The following ANO1 variants were observed in gnomAD, a reference collection of about 807,000 sequenced individuals.
The protein encoded by ANO1 is anoctamin 1.
In ANO1, 59 loss-of-function variants were observed where a neutral mutation model predicts 124.0. The ratio of observed to expected loss-of-function variants is 0.48; its 90% CI spans 0.39 to 0.59. The LOEUF (loss-of-function observed/expected upper bound fraction) is 0.59, where lower values mean the gene tolerates loss of function less well. Ranked by LOEUF, ANO1 falls within the 20% of genes least tolerant of loss-of-function variation. ANO1 has a pLI of 0.00. For missense variants in ANO1, 1,059 were observed against 1,328.0 expected, an observed-to-expected ratio of 0.80 and a Z score of 3.15; for synonymous variants, 529 against 532.0, an observed-to-expected ratio of 0.99 and a Z score of 0.08.
At chr11:70,098,792 C>T (rs534004722) in intron 2 of ANO1, among the ~76,000 whole-genome samples, 2 of 152,304 alleles carry the variant, frequency 1.3e-5, no homozygotes, top group East Asian at 1.9e-4. Flanking sequence ...GGTCTAGGCC[C>T]TCGGGCCACG....
chr11:70,026,330 G>A (rs1028163239), intron 1 of ANO1, among the ~76,000 whole-genome samples: 3 of 146,484 alleles, frequency 2.0e-5, no homozygotes, highest in Non-Finnish European at 4.5e-5. Flanking sequence ...GATGATGGTG[G>A]TGGTGGTGGT....
intron 1 of ANO1, among the ~76,000 whole-genome samples, chr11:70,045,220 A>C (rs1857240678): frequency 6.6e-6 from 1 of 152,226 alleles, no homozygotes; most frequent in Admixed American, 6.5e-5. Flanking sequence ...CAATTTTTCT[A>C]TATGTTTGGG....
chr11:70,110,107 C>A (rs985805015), intron 6 of ANO1, among the ~76,000 whole-genome samples: 1 of 151,608 alleles, frequency 6.6e-6, no homozygotes, highest in African/African-American at 2.4e-5. Flanking sequence ...GGCCCTGCGG[C>A]AGGCAGCACC....
At chr11:70,064,086 G>A (rs1440102015) in intron 1 of ANO1, 1 of 152,276 alleles carries the variant, frequency 6.6e-6, no homozygotes, top group Non-Finnish European at 1.5e-5. Context: ...ATGGAGGGAA[G>A]GAACATCAGG....
intron 1 of ANO1, chr11:70,014,845 T>G (rs1159967338): frequency 6.7e-6 from 1 of 149,212 alleles, no homozygotes; most frequent in Non-Finnish European, 1.5e-5. Flanking sequence ...TTTTTTTCTT[T>G]TTTTTTTTTT....
At chr11:69,977,957 TGA>T in the ANO1 span, among the ~76,000 whole-genome samples, 1 of 152,198 alleles carries the variant, frequency 6.6e-6, no homozygotes, top group South Asian at 2.1e-4. Context: ...ATACTGTGGC[TGA>T]GAGGGGGTCA....
At chr11:70,085,993 G>A (rs1024748722) in intron 1 of ANO1, among the ~76,000 whole-genome samples, 4 of 152,264 alleles carry the variant, frequency 2.6e-5, no homozygotes, top group Non-Finnish European at 5.9e-5. Context: ...CCCAAGCACA[G>A]CTCTGTCCAA....
chr11:69,992,292 AATGGATGG>A (rs1249325317), intron 1 of ANO1, among the ~76,000 whole-genome samples: 7 of 151,800 alleles, frequency 4.6e-5, no homozygotes, highest in African/African-American at 1.7e-4. Flanking sequence ...TGGATAGATG[AATGGATGG>A]ATGGATGGAT....
intron 1 of ANO1, among the ~76,000 whole-genome samples, chr11:70,025,160 C>A (rs782449542): frequency 5.3e-5 from 8 of 152,216 alleles, no homozygotes; most frequent in Non-Finnish European, 8.8e-5. Flanking sequence ...CAGCTCTTCT[C>A]CTTGCCAGCT....
At chr11:69,973,262 C>T in the ANO1 span, among the ~76,000 whole-genome samples, 1 of 152,138 alleles carries the variant, frequency 6.6e-6, no homozygotes, top group African/African-American at 2.4e-5. Flanking sequence ...AAAACTCCCT[C>T]GTGATCTGGC....
At chr11:70,148,901 C>T (rs772171216) in intron 11 of ANO1, among the ~76,000 whole-genome samples, 10 of 152,132 alleles carry the variant, frequency 6.6e-5, no homozygotes, top group Non-Finnish European at 1.2e-4. Flanking sequence ...AAGAAGGTCC[C>T]GAGAGGAGCT....
chr11:70,188,300 T>G lies in ANO1; in HGVS notation c.*296T>G. ...AAAGGCAGGTGCTTTGCAGAAAGAA[T>G]GCTTGGAAACTTGAGTCTCCCTAGA... On this transcript the variant is annotated 3_prime_UTR_variant, in exon 26 of 26. Transcript: ENST00000355303. The G allele has an allele frequency of 2.2e-6, 1 of 446,366 alleles. No individual in the cohort carries two copies. Among genetic ancestry groups the G allele is most frequent in the Non-Finnish European group, 4.0e-6 (1 of 248,358 alleles). The allele number at this position is 446,366 out of a possible 1,614,324, so 27.7% of individuals were successfully genotyped here.
chr11:69,995,899 G>C (rs1359732621), intron 1 of ANO1, among the ~76,000 whole-genome samples: 1 of 152,176 alleles, frequency 6.6e-6, no homozygotes, highest in Non-Finnish European at 1.5e-5. Flanking sequence ...GATCACCTGA[G>C]GTCAGGAGTT....
At chr11:70,051,651 T>C (rs1184341388) in intron 1 of ANO1, among the ~76,000 whole-genome samples, 5 of 152,230 alleles carry the variant, frequency 3.3e-5, no homozygotes, top group African/African-American at 1.2e-4. Context: ...TGAGGACTAA[T>C]GCTGGTGGTC....
intron 1 of ANO1, among the ~76,000 whole-genome samples, chr11:70,044,362 G>A (rs1555005351): frequency 6.6e-6 from 1 of 152,024 alleles, no homozygotes; most frequent in Non-Finnish European, 1.5e-5. Flanking sequence ...CAATTAAAAG[G>A]CAGAGATTAT....
intron 1 of ANO1, among the ~76,000 whole-genome samples, chr11:70,037,761 G>T (rs1857118356): frequency 6.6e-6 from 1 of 152,148 alleles, no homozygotes; most frequent in South Asian, 2.1e-4. Flanking sequence ...GTACTCACTA[G>T]GCGCTGGGCT....
chr11:70,135,478 C>T (rs1202345209), intron 11 of ANO1, among the ~76,000 whole-genome samples: 7 of 152,208 alleles, frequency 4.6e-5, no homozygotes, highest in South Asian at 2.1e-4. Context: ...CCACCACGTC[C>T]TTCCACCCCA....
In ANO1 at chr11:70,010,629, G is replaced by A. The variant is rs562138701; in HGVS notation, c.58+24463G>A. Among the ~76,000 whole-genome samples, 7 of 152,228 alleles carry A rather than the reference G, an allele frequency of 4.6e-5. No individual in the cohort carries two copies. In the South Asian group the frequency reaches 1.5e-3, roughly 32 times the overall value. ...GCACAAAGACAGGGGCTGCAGAGAGGCCTGGGGCATCATGGGAGAGATGGA... is the reference window on the plus strand; with the variant it reads ...GCACAAAGACAGGGGCTGCAGAGAGACCTGGGGCATCATGGGAGAGATGGA... On this transcript the variant is annotated intron_variant, in intron 1 of 27. Coordinates refer to the ANO1 transcript ENST00000531349.
At chr11:70,038,407 G>A (rs547047490) in intron 1 of ANO1, among the ~76,000 whole-genome samples, 1 of 152,306 alleles carries the variant, frequency 6.6e-6, no homozygotes, top group East Asian at 1.9e-4. Flanking sequence ...AATTGCATCA[G>A]GTTACAAAGA....
Sources: allele counts gnomAD v4.1 joint callset (sites outside exome capture counted in the v4.1 genomes callset), GRCh38; gene constraint gnomAD v4.1.1; transcripts MANE v1.5; gene names NCBI Gene and HGNC (gene_info 2026-07-23, HGNC 2026-07-21).